ZNF234: variants seen among roughly 807,000 people sequenced by gnomAD.
ZNF234 encodes zinc finger protein 234, also known as C2-H2 type zinc finger protein.
ZNF234 carries 4 observed loss-of-function variants against 10.3 expected under a neutral mutation model. That is an observed-to-expected ratio of 0.39 (90% CI 0.19 to 0.89). The LOEUF (loss-of-function observed/expected upper bound fraction) is 0.89. Ranked by LOEUF, ZNF234 falls within the 40% of genes least tolerant of loss-of-function variation. ZNF234 has a pLI of 0.38. For synonymous variants in ZNF234, 258 were observed against 280.1 expected, an observed-to-expected ratio of 0.92 and a Z score of 0.79; for missense variants, 711 against 836.1, an observed-to-expected ratio of 0.85 and a Z score of 1.85.
At chr19:44,145,304 C>A (rs1416953197) in intron 3 of ZNF234, among the ~76,000 whole-genome samples, 1 of 152,008 alleles carries the variant, frequency 6.6e-6, no homozygotes, top group East Asian at 1.9e-4. Flanking sequence ...ATGCCATATA[C>A]CCATTTAATT....
At chr19:44,144,176 A>G (rs1285131437) in intron 2 of ZNF234, among the ~76,000 whole-genome samples, 1 of 152,132 alleles carries the variant, frequency 6.6e-6, no homozygotes, top group Non-Finnish European at 1.5e-5. Flanking sequence ...CCCCATTCTT[A>G]TCCTAAATCC....
In ZNF234 at chr19:44,157,013, A is replaced by G. The variant is rs1384916061; in HGVS notation, c.997A>G (p.Ile333Val). 2 of 1,613,874 alleles carry G rather than the reference A, an allele frequency of 1.2e-6. No homozygotes were observed. Among genetic ancestry groups the G allele is most frequent in the Non-Finnish European group, 8.5e-7 (1 of 1,179,948 alleles). The change falls in exon 6 of 6, where the codon ATC (isoleucine) becomes GTC (valine). Residue 333 changes from isoleucine (I) to valine (V), a missense_variant. Ile to Val is a conservative substitution (Grantham distance 29). Coordinates refer to ENST00000426739, the MANE Select transcript of ZNF234 (RefSeq NM_006630.3). Reference protein sequence around the residue: ...KCFTCSSNLRIHQRVHTGEKP... With the variant: ...KCFTCSSNLRVHQRVHTGEKP... ...TTTCACTTGTAGCTCAAACCTTCGT[A>G]TCCATCAAAGGGTCCACACAGGAGA...
At chr19:44,143,718 A>G (rs1398840140) in intron 2 of ZNF234, among the ~76,000 whole-genome samples, 2 of 152,140 alleles carry the variant, frequency 1.3e-5, no homozygotes, top group Non-Finnish European at 2.9e-5. Context: ...TGGCTGAGGC[A>G]TGAGAATCGC....
chr19:44,155,896 C>T (rs1968866892), intron 5 of ZNF234, among the ~76,000 whole-genome samples: 1 of 152,064 alleles, frequency 6.6e-6, no homozygotes, highest in Non-Finnish European at 1.5e-5. Context: ...CCATGCCTGG[C>T]CTATGCTTTT....
intron 2 of ZNF234, among the ~76,000 whole-genome samples, chr19:44,144,270 T>G (rs930260155): frequency 6.6e-6 from 1 of 152,234 alleles, no homozygotes; most frequent in African/African-American, 2.4e-5. Flanking sequence ...ATCTGTGGTT[T>G]GGTGTGCCTG....
Position 44,144,571 on chromosome 19 carries a change from T to C in ZNF234, c.-62T>C. ...GTCTTCCATAGTGTTCCAGGCACGA[T>C]TCTGCCTTCTCTCAAATGGCATAAC... On this transcript the variant is annotated 5_prime_UTR_variant, in exon 3 of 6. Transcript: ENST00000426739. 1 of 1,455,046 alleles carries C rather than the reference T, an allele frequency of 6.9e-7. No homozygotes were observed. Among genetic ancestry groups the C allele is most frequent in the Non-Finnish European group, 9.2e-7 (1 of 1,091,644 alleles). 90.1% of individuals were successfully genotyped at this position (1,455,046 alleles called of 1,614,324 possible).
intron 4 of ZNF234, chr19:44,149,968 G>A (rs930518219): frequency 5.9e-5 from 9 of 152,490 alleles, no homozygotes; most frequent in Non-Finnish European, 1.3e-4. Context: ...TTATCTGAGC[G>A]AGCTGGAGGT....
Position 44,156,809 on chromosome 19 carries a change from T to G in ZNF234, c.793T>G (p.Cys265Gly). 6 of 1,609,434 alleles carry G rather than the reference T, an allele frequency of 3.7e-6. No individual in the cohort carries two copies. The highest frequency in any genetic ancestry group is 5.1e-6 in the Non-Finnish European group (6 of 1,176,566). The change falls in exon 6 of 6, where the codon TGT becomes GGT. Residue 265 changes from cysteine (C) to glycine (G), a missense_variant. Coordinates refer to ENST00000426739, the MANE Select transcript of ZNF234 (RefSeq NM_006630.3). Reference protein sequence around the residue: ...SGEKPYNCEECGRAFIHASHL... With the variant: ...SGEKPYNCEEGGRAFIHASHL... The stretch of plus-strand genomic sequence containing the variant: ...AGAGAAACCTTACAATTGTGAGGAA[T>G]GTGGAAGGGCCTTCATACATGCTTC...
In ZNF234 at chr19:44,156,251, G is replaced by A. The variant is rs1968877530; in HGVS notation, c.236-1G>A. On this transcript the variant is annotated splice_acceptor_variant, in intron 5 of 5. Transcript: ENST00000426739. LOFTEE classifies it high-confidence loss of function. Reference sequence around the variant, plus strand: ...CATCTCTGAATTCTCTGTCCTTACAGCAGACAAGATCCAAAGTGAGGTGGA... The same window carrying A: ...CATCTCTGAATTCTCTGTCCTTACAACAGACAAGATCCAAAGTGAGGTGGA... The A allele has an allele frequency of 6.5e-7, 1 of 1,542,300 alleles. No individual in the cohort carries two copies. Among genetic ancestry groups the A allele is most frequent in the Non-Finnish European group, 8.7e-7 (1 of 1,150,422 alleles).
chr19:44,156,837 A>G lies in ZNF234; in HGVS notation c.821A>G (p.His274Arg), dbSNP rs1294031676. ...ECGRAFIHAS[H>R]LQEHQRIHTG... ...GGAAGGGCCTTCATACATGCTTCCC[A>G]TCTTCAGGAACATCAGAGAATTCAT... The change falls in exon 6 of 6, where the codon CAT becomes CGT. Residue 274 changes from histidine (H) to arginine (R), a missense_variant. Coordinates refer to ENST00000426739, the MANE Select transcript of ZNF234 (RefSeq NM_006630.3). 2 of 1,609,782 alleles carry G rather than the reference A, an allele frequency of 1.2e-6. No homozygotes were observed. Among genetic ancestry groups the G allele is most frequent in the South Asian group, 1.1e-5 (1 of 90,802 alleles).
Position 44,156,436 on chromosome 19 carries a change from A to G in ZNF234, c.420A>G (p.Thr140=), listed in dbSNP as rs1433027052. ...GCCAGGTTAGGGCAGGACTATATACAACTCACACAGGACAGAAATTTTACC... is the reference window on the plus strand; with the variant it reads ...GCCAGGTTAGGGCAGGACTATATACGACTCACACAGGACAGAAATTTTACC... The part of the protein sequence containing the change: ...LSCQVRAGLY[T]THTGQKFYQC... Residue 140 remains threonine (T), a synonymous_variant, in exon 6 of 6, where the codon ACA becomes ACG. Transcript: ENST00000426739. 1 of 1,613,708 alleles carries G rather than the reference A, an allele frequency of 6.2e-7. No individual in the cohort carries two copies. Among genetic ancestry groups the G allele is most frequent in the Admixed American group, 1.7e-5 (1 of 59,976 alleles).
intron 4 of ZNF234, among the ~76,000 whole-genome samples, chr19:44,149,433 G>T (rs1168726365): frequency 1.3e-5 from 2 of 152,006 alleles, no homozygotes; most frequent in Non-Finnish European, 2.9e-5. Context: ...GGGTGACAGA[G>T]TGAGACTGTC....
Position 44,157,108 on chromosome 19 carries a change from A to G in ZNF234, c.1092A>G (p.Arg364=). The G allele has an allele frequency of 2.5e-6, 4 of 1,614,150 alleles. No individual in the cohort carries two copies. Among genetic ancestry groups the G allele is most frequent in the Non-Finnish European group, 2.5e-6 (3 of 1,180,020 alleles). Residue 364 remains arginine, a synonymous_variant, in exon 6 of 6, where the codon AGA becomes AGG. Transcript: ENST00000426739. Reference sequence around the variant, plus strand: ...CTTCACAATTTCAGGCCCATCGGAGAATCCACACTGGAGAGAAACCATACG... The same window carrying G: ...CTTCACAATTTCAGGCCCATCGGAGGATCCACACTGGAGAGAAACCATACG... The part of the protein sequence containing the change: ...IQPSQFQAHR[R]IHTGEKPYVC...
chr19:44,150,353 A>T, intron 4 of ZNF234, 60 bp from the exon 5 acceptor site: 1 of 1,373,000 alleles, frequency 7.3e-7, no homozygotes. Flanking sequence ...TCAAATTGCC[A>T]GTAAGTTCAG....
At chr19:44,145,203 G>C (rs1163546053) in intron 3 of ZNF234, among the ~76,000 whole-genome samples, 1 of 152,006 alleles carries the variant, frequency 6.6e-6, no homozygotes, top group African/African-American at 2.4e-5. Flanking sequence ...TTTTCCTAAT[G>C]TGCATTCATA....
intron 3 of ZNF234, among the ~76,000 whole-genome samples, chr19:44,146,013 T>C (rs1197294614): frequency 1.3e-5 from 2 of 152,176 alleles, no homozygotes; most frequent in African/African-American, 4.8e-5. Flanking sequence ...ACAGGTGAAA[T>C]ATGAGAAACC....
At chr19:44,153,160 T>TATATATATATATATATATATATATA (rs1568552108) in intron 5 of ZNF234, among the ~76,000 whole-genome samples, 2 of 64,918 alleles carry the variant, frequency 3.1e-5, no homozygotes, top group African/African-American at 2.1e-4. Context: ...TAATCATGTA[T>TATATATATATATATATATATATATA]TCATCATATA....
At position 44,157,317 on chromosome 19, in the gene ZNF234, G is replaced by C. The variant is rs757376680; in HGVS notation, c.1301G>C (p.Gly434Ala). The change falls in exon 6 of 6, where the codon GGT (glycine) becomes GCT (alanine). Residue 434 changes from glycine (G) to alanine (A), a missense_variant. Physicochemically the swap from Gly to Ala is moderately conservative, Grantham distance 60. Transcript: ENST00000426739. ...AAACCCTATAAATGTGAAGTATGTG[G>C]TAAAGCCTTCCGTCAGAGTTCATAT... is the stretch of plus-strand genomic sequence containing the variant. The part of the protein sequence containing the change: ...GEKPYKCEVC[G>A]KAFRQSSYLK... 1.1e-5 allele frequency: 17 copies of C among 1,613,844 alleles called. No individual in the cohort carries two copies. Among genetic ancestry groups the C allele is most frequent in the Non-Finnish European group, 1.4e-5 (16 of 1,179,904 alleles).
chr19:44,154,628 C>CTTTTCTTTT (rs1568552607), intron 5 of ZNF234, among the ~76,000 whole-genome samples: 1 of 102,450 alleles, frequency 9.8e-6, no homozygotes, highest in Admixed American at 9.3e-5. Flanking sequence ...TTCTCTTTTT[C>CTTTTCTTTT]TTTTTTTTTT....
Sources: allele counts gnomAD v4.1 joint callset (sites outside exome capture counted in the v4.1 genomes callset), GRCh38; gene constraint gnomAD v4.1.1; transcripts MANE v1.5; gene names NCBI Gene and HGNC (gene_info 2026-07-23, HGNC 2026-07-21).